Variants in TMPRSS12 observed in about 807,000 individuals in gnomAD.
TMPRSS12 encodes the protein transmembrane protease serine 12.
In TMPRSS12, 25 loss-of-function variants were observed where a neutral mutation model predicts 26.0. The observed-to-expected ratio is 0.96, with a 90% confidence interval of 0.70 to 1.34. The LOEUF (loss-of-function observed/expected upper bound fraction) is 1.34. TMPRSS12 is among the 40% of genes most tolerant of loss of function. TMPRSS12 has a pLI of 0.00. For missense variants in TMPRSS12, 441 were observed against 440.1 expected (o/e 1.00, Z -0.02); for synonymous variants, 150 against 161.7 (o/e 0.93, Z 0.55).
intron 3 of TMPRSS12, among the ~76,000 whole-genome samples, chr12:50,870,545 A>G (rs1310819868): frequency 1.3e-5 from 2 of 152,184 alleles, no homozygotes; most frequent in Non-Finnish European, 2.9e-5. Context: ...CTGGAACAAG[A>G]CAAGGATGCC....
At chr12:50,867,766 C>T (rs1357253509) in intron 3 of TMPRSS12, among the ~76,000 whole-genome samples, 1 of 152,178 alleles carries the variant, frequency 6.6e-6, no homozygotes, top group African/African-American at 2.4e-5. Context: ...ATCAGATTAA[C>T]AGCAAATTTT....
intron 3 of TMPRSS12, among the ~76,000 whole-genome samples, chr12:50,872,804 A>ACATATATATGACGTATATATGTG (rs1938072439): frequency 7.7e-6 from 1 of 129,710 alleles, no homozygotes; most frequent in African/African-American, 2.9e-5. Context: ...GTATATATGT[A>ACATATATATGACGTATATATGTG]CATATATATG....
rs1385928671 is a variant in TMPRSS12 at position 50,852,689 on chromosome 12, G to T, written c.384-6096G>T. Reference sequence around the variant, plus strand: ...CAAAGTACCGGAATTACAGGCATGAGCCACCACACCCAGTCTGACAAAATA... The same window carrying T: ...CAAAGTACCGGAATTACAGGCATGATCCACCACACCCAGTCTGACAAAATA... On this transcript the variant is annotated intron_variant, in intron 2 of 4. Coordinates refer to ENST00000398458, the MANE Select transcript of TMPRSS12 (RefSeq NM_182559.3). 2.0e-5 allele frequency among the ~76,000 whole-genome samples: 3 copies of T among 152,164 alleles called. No individual in the cohort carries two copies. The East Asian group carries it at 5.8e-4, about 29-fold the overall frequency.
intron 2 of TMPRSS12, among the ~76,000 whole-genome samples, chr12:50,856,554 G>A (rs1034199240): frequency 4.6e-5 from 7 of 152,026 alleles, no homozygotes; most frequent in Admixed American, 6.6e-5. Context: ...AAACATTTGT[G>A]TGAATCTAGG....
chr12:50,876,926 C>G (rs1005736202), intron 3 of TMPRSS12, among the ~76,000 whole-genome samples: 1 of 151,852 alleles, frequency 6.6e-6, no homozygotes, highest in Non-Finnish European at 1.5e-5. Context: ...AGTTGGAGGC[C>G]ATTATCCTAA....
At chr12:50,887,096 G>T in intron 4 of TMPRSS12, 166 bp from the exon 5 acceptor site, 1 of 684,254 alleles carries the variant, frequency 1.5e-6, no homozygotes, top group East Asian at 3.0e-5. Context: ...CCTCCTGTTT[G>T]AGTTGGAAGT....
chr12:50,844,377 T>C (rs1937748285), intron 2 of TMPRSS12, among the ~76,000 whole-genome samples: 1 of 151,750 alleles, frequency 6.6e-6, no homozygotes, highest in Admixed American at 6.6e-5. Context: ...CTTTATTTTT[T>C]ACTTTTTTTT....
intron 2 of TMPRSS12, among the ~76,000 whole-genome samples, chr12:50,857,790 TGTTGTTGTTGTTGTTGTCGTTGTTGTC>T (rs1299031524): frequency 3.8e-5 from 2 of 53,080 alleles, no homozygotes; most frequent in African/African-American, 1.6e-4. Context: ...TTTAGTTTTT[TGTTGTTGTTGTTGTTGTCGTTGTTGTC>T]GTTGTTGTTG....
chr12:50,851,895 TAGCATCCTTA>T (rs1937829527), intron 2 of TMPRSS12, among the ~76,000 whole-genome samples: 1 of 152,206 alleles, frequency 6.6e-6, no homozygotes. Flanking sequence ...AGTCTATATT[TAGCATCCTTA>T]AAGAAAATTA....
chr12:50,887,464 G>T lies in TMPRSS12; in HGVS notation c.998G>T (p.Gly333Val). Residue 333 changes from glycine to valine, a missense_variant, in exon 5 of 5, where the codon GGC (glycine) becomes GTC (valine). Physicochemically the swap from Gly to Val is moderately radical, Grantham distance 109. Transcript: ENST00000398458. Reference protein sequence around the residue: ...QGILTINILRGQILIALCFVI... With the variant: ...QGILTINILRVQILIALCFVI... ...ATACTTACTATAAATATTTTACGTG[G>T]CCAGATCCTCATAGCTTTATGTTTT... 1 of 1,613,770 alleles carries T rather than the reference G, an allele frequency of 6.2e-7. No individual in the cohort carries two copies.
intron 1 of TMPRSS12, 71 bp from the exon 2 acceptor site, chr12:50,843,771 A>G: frequency 7.0e-7 from 1 of 1,426,996 alleles, no homozygotes; most frequent in East Asian, 2.6e-5. Flanking sequence ...GATTGCATTA[A>G]TATGTTCAGC....
At chr12:50,885,105 A>T in intron 3 of TMPRSS12, 141 bp from the exon 4 acceptor site, 1 of 699,136 alleles carries the variant, frequency 1.4e-6, no homozygotes, top group Admixed American at 3.3e-5. Context: ...GCATACATAC[A>T]TATTCATACA....
intron 3 of TMPRSS12, among the ~76,000 whole-genome samples, chr12:50,866,009 G>A (rs770409213): frequency 1.3e-5 from 2 of 152,110 alleles, no homozygotes; most frequent in Non-Finnish European, 2.9e-5. Context: ...AGACTGCAGA[G>A]CTGATTATTC....
intron 3 of TMPRSS12, among the ~76,000 whole-genome samples, chr12:50,878,240 T>G (rs1257321854): frequency 6.6e-6 from 1 of 151,382 alleles, no homozygotes; most frequent in Non-Finnish European, 1.5e-5. Context: ...CTGTCTGATT[T>G]CAAAACGTAT....
intron 3 of TMPRSS12, among the ~76,000 whole-genome samples, chr12:50,859,382 A>G (rs991842136): frequency 6.6e-6 from 1 of 151,908 alleles, no homozygotes; most frequent in African/African-American, 2.4e-5. Flanking sequence ...TGCCCTGCTA[A>G]TTTTTGTATT....
At chr12:50,874,672 C>T (rs926407951) in intron 3 of TMPRSS12, among the ~76,000 whole-genome samples, 1 of 152,170 alleles carries the variant, frequency 6.6e-6, no homozygotes, top group African/African-American at 2.4e-5. Context: ...ACCCTAAAGA[C>T]TCCACCAAAG....
intron 3 of TMPRSS12, among the ~76,000 whole-genome samples, chr12:50,873,723 T>C (rs978483474): frequency 1.3e-5 from 2 of 152,248 alleles, no homozygotes; most frequent in Non-Finnish European, 2.9e-5. Context: ...ATAAGTTTGC[T>C]ACTGGCATCT....
At chr12:50,875,813 C>T (rs1938108243) in intron 3 of TMPRSS12, among the ~76,000 whole-genome samples, 1 of 152,086 alleles carries the variant, frequency 6.6e-6, no homozygotes, top group South Asian at 2.1e-4. Flanking sequence ...GAAGAAAACC[C>T]AAGAAACGCC....
At chr12:50,879,366 A>G (rs1182952305) in intron 3 of TMPRSS12, among the ~76,000 whole-genome samples, 2 of 152,242 alleles carry the variant, frequency 1.3e-5, no homozygotes, top group African/African-American at 2.4e-5. Context: ...TAAGAAAATC[A>G]ATGGAAAAAG....
Sources: allele counts gnomAD v4.1 joint callset (sites outside exome capture counted in the v4.1 genomes callset), GRCh38; gene constraint gnomAD v4.1.1; transcripts MANE v1.5; gene names NCBI Gene and HGNC (gene_info 2026-07-23, HGNC 2026-07-21).